GATAD2A: variants seen among roughly 807,000 people sequenced by gnomAD.
The protein encoded by GATAD2A is GATA zinc finger domain containing 2A.
A neutral mutation model predicts 68.5 loss-of-function variants in GATAD2A; 12 were observed. The ratio of observed to expected loss-of-function variants is 0.18; its 90% CI spans 0.11 to 0.28. The LOEUF (loss-of-function observed/expected upper bound fraction) is 0.28, where lower values mean the gene tolerates loss of function less well. Among genes scored for constraint, GATAD2A ranks in the 10% least tolerant of loss-of-function variants. GATAD2A has a pLI of 1.00. For missense variants in GATAD2A, 755 were observed against 868.5 expected (o/e 0.87, Z 1.64); for synonymous variants, 410 against 375.3 (o/e 1.09, Z -1.07).
At chr19:19,421,586 G>A (rs1600080732) in intron 1 of GATAD2A, among the ~76,000 whole-genome samples, 1 of 152,078 alleles carries the variant, frequency 6.6e-6, no homozygotes, top group Non-Finnish European at 1.5e-5. Context: ...GTGTGTCCCG[G>A]CCCTGTGTTT....
At chr19:19,434,737 C>T (rs1270912460) in intron 1 of GATAD2A, among the ~76,000 whole-genome samples, 1 of 152,070 alleles carries the variant, frequency 6.6e-6, no homozygotes, top group African/African-American at 2.4e-5. Flanking sequence ...AGTGGAAGTC[C>T]GAGGCATTTT....
In GATAD2A at chr19:19,414,560, CAG is replaced by C. The variant is rs747093082; in HGVS notation, c.-7+8544_-7+8545del. Among the ~76,000 whole-genome samples the C allele has an allele frequency of 9.3e-3, 824 of 88,708 alleles. 5 individuals carry two copies. The highest frequency in any genetic ancestry group is 0.013 in the Middle Eastern group (1 of 76). 58.2% of individuals were successfully genotyped at this position (88,708 alleles called of 152,430 possible). On this transcript the variant is annotated intron_variant, in intron 1 of 11. Transcript: ENST00000683918. The stretch of plus-strand genomic sequence containing the variant: ...TTTTTTTTTTTTTTTTTTTTTGAAA[CAG>C]AGTCTTGCTCCATTGTCCAGTCTGG...
At chr19:19,409,626 CTT>C (rs1217945525) in intron 1 of GATAD2A, among the ~76,000 whole-genome samples, 5 of 152,090 alleles carry the variant, frequency 3.3e-5, no homozygotes, top group Non-Finnish European at 5.9e-5. Context: ...AAAGGTATGT[CTT>C]TGAATGGAAT....
intron 1 of GATAD2A, among the ~76,000 whole-genome samples, chr19:19,439,572 G>C (rs1041479565): frequency 6.6e-6 from 1 of 152,194 alleles, no homozygotes; most frequent in African/African-American, 2.4e-5. Flanking sequence ...AAGTGGTCAG[G>C]TGCGGTGGCT....
chr19:19,461,653 G>C (rs2057437332), intron 1 of GATAD2A, among the ~76,000 whole-genome samples: 1 of 152,246 alleles, frequency 6.6e-6, no homozygotes, highest in Admixed American at 6.5e-5. Flanking sequence ...TTGGCCCCTA[G>C]TTGAGGAAGA....
chr19:19,436,189 G>A (rs2054319793), intron 1 of GATAD2A: 1 of 1,366,208 alleles, frequency 7.3e-7, no homozygotes, highest in Non-Finnish European at 9.8e-7. Flanking sequence ...TGGCCAACTG[G>A]TAGGACCAGC....
chr19:19,412,355 C>T (rs1047102665), intron 1 of GATAD2A, among the ~76,000 whole-genome samples: 2 of 151,788 alleles, frequency 1.3e-5, no homozygotes, highest in African/African-American at 2.4e-5. Flanking sequence ...CGGGGTTTCA[C>T]CATGTTGGCC....
At chr19:19,501,023 G>T in intron 8 of GATAD2A, 95 bp from the exon 9 acceptor site, 1 of 1,098,864 alleles carries the variant, frequency 9.1e-7, no homozygotes. Flanking sequence ...GACAGACTGT[G>T]GCGACTGAGA....
upstream of GATAD2A, among the ~76,000 whole-genome samples, chr19:19,403,602 A>G (rs996309430): frequency 3.3e-5 from 5 of 151,924 alleles, no homozygotes; most frequent in Admixed American, 3.3e-4. Context: ...TGACTCACAC[A>G]GGGCTTGCTG....
At chr19:19,449,126 A>C (rs559202080) in intron 1 of GATAD2A, among the ~76,000 whole-genome samples, 2 of 152,260 alleles carry the variant, frequency 1.3e-5, no homozygotes, top group African/African-American at 4.8e-5. Context: ...GACACCAGAG[A>C]GGGAGTTTGG....
At chr19:19,482,129 G>T (rs2059103992) in intron 2 of GATAD2A, among the ~76,000 whole-genome samples, 1 of 152,004 alleles carries the variant, frequency 6.6e-6, no homozygotes, top group Admixed American at 6.6e-5. Flanking sequence ...ATATGACCGA[G>T]CGCGGTGGCT....
In GATAD2A at chr19:19,495,768, G is replaced by C. The variant is rs1314151346; in HGVS notation, c.639G>C (p.Arg213=). The change falls in exon 6 of 12, where the codon CGG becomes CGC. Residue 213 remains arginine (R), a synonymous_variant. Coordinates refer to ENST00000683918, the MANE Select transcript of GATAD2A (RefSeq NM_001384528.1). ...ATCGTTGGCAGACCTCTTCAGCTCG[G>C]ATGCCCGGCAGTGTCATACCCCCGC... ...GKPSLQTSSA[R]MPGSVIPPPL... 6 of 1,611,476 alleles carry C rather than the reference G, an allele frequency of 3.7e-6. No individual in the cohort carries two copies. The highest frequency in any genetic ancestry group is 1.3e-5 in the African/African-American group (1 of 74,966).
At position 19,465,490 on chromosome 19, in the gene GATAD2A, A is replaced by C. The variant is rs761751544; in HGVS notation, c.145A>C (p.Thr49Pro). ...DLNTDGDMRV[T>P]PEPGAGPTQG... ...AAACACTGACGGAGACATGAGGGTG[A>C]CACCTGAGCCGGGAGCAGGTCCAAC... The change falls in exon 2 of 12, where the codon ACA (threonine) becomes CCA (proline). Residue 49 changes from threonine (T) to proline (P), a missense_variant. By Grantham distance (38) the Thr-to-Pro change is conservative. Transcript: ENST00000683918. 2.5e-6 allele frequency: 4 copies of C among 1,614,036 alleles called. No homozygotes were observed. Among genetic ancestry groups the C allele is most frequent in the Non-Finnish European group, 3.4e-6 (4 of 1,179,864 alleles).
intron 1 of GATAD2A, among the ~76,000 whole-genome samples, chr19:19,450,615 G>A (rs1195888707): frequency 6.6e-6 from 1 of 151,768 alleles, no homozygotes; most frequent in Admixed American, 6.6e-5. Flanking sequence ...AGGCTAGGGG[G>A]CGGTCAGGAT....
chr19:19,396,118 T>C (rs2049224092), intron 1 of GATAD2A, among the ~76,000 whole-genome samples: 1 of 152,046 alleles, frequency 6.6e-6, no homozygotes, highest in Non-Finnish European at 1.5e-5. Context: ...GTCAGGAGTT[T>C]GAGACCAGCC....
At chr19:19,461,359 A>G (rs908418771) in intron 1 of GATAD2A, among the ~76,000 whole-genome samples, 1 of 152,206 alleles carries the variant, frequency 6.6e-6, no homozygotes, top group Non-Finnish European at 1.5e-5. Context: ...TCTTTTAATT[A>G]TCAAGAGATG....
chr19:19,478,823 A>C (rs943912290), intron 2 of GATAD2A, among the ~76,000 whole-genome samples: 20 of 151,614 alleles, frequency 1.3e-4, no homozygotes, highest in African/African-American at 4.6e-4. Context: ...AAAAAAAAAA[A>C]CAAAAAAAAA....
chr19:19,392,837 C>T (rs1050897877), intron 1 of GATAD2A, among the ~76,000 whole-genome samples: 1 of 151,924 alleles, frequency 6.6e-6, no homozygotes, highest in Non-Finnish European at 1.5e-5. Flanking sequence ...GCTAGGATTA[C>T]AAGTGTGCAC....
At chr19:19,505,282 G>T in intron 11 of GATAD2A, 62 bp from the exon 12 acceptor site, 6 of 1,557,584 alleles carry the variant, frequency 3.9e-6, no homozygotes, top group Non-Finnish European at 5.3e-6. Context: ...GCTATGGCTG[G>T]GCTCCTCCCA....
Sources: gnomAD v4.1 joint callset for allele counts (sites outside exome capture counted in the v4.1 genomes callset) on GRCh38, gnomAD v4.1.1 for gene constraint, MANE v1.5 for transcripts, NCBI Gene and HGNC (gene_info 2026-07-23, HGNC 2026-07-21) for gene names.